Variants in CENPP observed in about 807,000 individuals in gnomAD.
CENPP encodes centromere protein P.
A neutral mutation model predicts 35.6 loss-of-function variants in CENPP; 24 were observed. The observed-to-expected ratio is 0.67, with a 90% CI of 0.49 to 0.95. The LOEUF is 0.95. CENPP is among the 40% of genes least tolerant of loss of function. CENPP has a pLI of 0.00. For missense variants in CENPP, 332 were observed against 345.3 expected, an observed-to-expected ratio of 0.96 and a Z score of 0.31; for synonymous variants, 120 against 125.5, an observed-to-expected ratio of 0.96 and a Z score of 0.29.
At chr9:92,398,608 A>G (rs1842987101) in intron 5 of CENPP, among the ~76,000 whole-genome samples, 1 of 151,906 alleles carries the variant, frequency 6.6e-6, no homozygotes, top group Non-Finnish European at 1.5e-5. Context: ...GATCTTCCTC[A>G]TTCATTTTTA....
rs1564000002 is a variant in CENPP, at chr9:92,551,950, TA to T, written c.565-59363del. Among the ~76,000 whole-genome samples, 858 of 121,482 alleles carry T rather than the reference TA, an allele frequency of 7.1e-3. 54 individuals carry two copies. The highest frequency in any genetic ancestry group is 0.03 in the African/African-American group (799 of 26,686). The allele number at this position is 121,482 out of a possible 152,430, so 79.7% of individuals were successfully genotyped here. Reference sequence around the variant, plus strand: ...GTATATATATATATATATATATATATATGATATATATATGTGTGATATATAT... The same window carrying T: ...GTATATATATATATATATATATATATTGATATATATATGTGTGATATATAT... On this transcript the variant is annotated intron_variant, in intron 5 of 7. Coordinates refer to ENST00000375587, the MANE Select transcript of CENPP (RefSeq NM_001012267.3).
intron 5 of CENPP, among the ~76,000 whole-genome samples, chr9:92,592,043 T>G (rs56170796): frequency 0.011 from 1,710 of 151,196 alleles, 19 homozygotes; most frequent in South Asian, 0.019. Context: ...CCCTAAAACT[T>G]AAAGTATAAA....
intron 5 of CENPP, among the ~76,000 whole-genome samples, chr9:92,499,407 T>C (rs73520594): frequency 6.6e-6 from 1 of 152,262 alleles, no homozygotes; most frequent in African/African-American, 2.4e-5. Flanking sequence ...ATGAGAAGCA[T>C]GGCAAAAATA....
chr9:92,359,505 G>T (rs893907017), intron 4 of CENPP, among the ~76,000 whole-genome samples: 1 of 152,026 alleles, frequency 6.6e-6, no homozygotes, highest in Non-Finnish European at 1.5e-5. Context: ...CTTTCCATGG[G>T]TATGTGCAAT....
intron 5 of CENPP, chr9:92,517,688 A>T (rs139951554): frequency 6.2e-7 from 1 of 1,614,176 alleles, no homozygotes; most frequent in South Asian, 1.1e-5. Context: ...TCTCTGTACC[A>T]GTAGCGGAGC....
chr9:92,327,025 G>A (rs1016298317), intron 1 of CENPP, among the ~76,000 whole-genome samples: 2 of 152,184 alleles, frequency 1.3e-5, no homozygotes, highest in African/African-American at 4.8e-5. Flanking sequence ...CTCCACAAAT[G>A]AGAGTAAATG....
intron 5 of CENPP, chr9:92,414,839 T>C: frequency 8.0e-6 from 2 of 250,118 alleles, no homozygotes; most frequent in East Asian, 1.2e-4. Context: ...AAAATTACTG[T>C]TAATAGAAAT....
chr9:92,343,800 A>T (rs1283103806), intron 3 of CENPP, among the ~76,000 whole-genome samples: 1 of 151,982 alleles, frequency 6.6e-6, no homozygotes, highest in African/African-American at 2.4e-5. Context: ...ATATTTTTTT[A>T]AATAAAAAAG....
At chr9:92,337,501 G>T in intron 2 of CENPP, 40 bp from the exon 3 acceptor site, 1 of 1,106,534 alleles carries the variant, frequency 9.0e-7, no homozygotes, top group South Asian at 1.3e-5. Context: ...TGAAGAAAAT[G>T]GCTATTTGCA....
intron 5 of CENPP, among the ~76,000 whole-genome samples, chr9:92,480,860 T>C (rs1845888368): frequency 6.8e-6 from 1 of 147,532 alleles, no homozygotes; most frequent in South Asian, 2.1e-4. Context: ...CAAGGCATAG[T>C]CTTGTAAGCT....
At chr9:92,510,668 G>C (rs1054972435) in intron 5 of CENPP, among the ~76,000 whole-genome samples, 1 of 152,206 alleles carries the variant, frequency 6.6e-6, no homozygotes, top group Non-Finnish European at 1.5e-5. Flanking sequence ...ACCTGTGGTT[G>C]GGTAGGTTTT....
intron 5 of CENPP, among the ~76,000 whole-genome samples, chr9:92,520,432 C>T (rs1847996433): frequency 6.6e-6 from 1 of 152,100 alleles, no homozygotes; most frequent in South Asian, 2.1e-4. Context: ...CCACTTCATA[C>T]AAGAACAGCT....
chr9:92,465,310 G>A (rs1234439804), intron 5 of CENPP, among the ~76,000 whole-genome samples: 1 of 152,070 alleles, frequency 6.6e-6, no homozygotes, highest in Non-Finnish European at 1.5e-5. Flanking sequence ...CTCCAACCAT[G>A]AGCACAATTA....
At chr9:92,531,440 T>C (rs1848744127) in intron 5 of CENPP, among the ~76,000 whole-genome samples, 1 of 152,224 alleles carries the variant, frequency 6.6e-6, no homozygotes, top group Non-Finnish European at 1.5e-5. Flanking sequence ...ATTATATATG[T>C]ATTTTTAAAC....
At chr9:92,363,250 C>T (rs10992317) in intron 4 of CENPP, among the ~76,000 whole-genome samples, 8,733 of 151,554 alleles carry the variant, frequency 0.058, 885 homozygotes, top group East Asian at 0.43. Context: ...CACACACACA[C>T]ACACAAACCT....
At chr9:92,484,662 T>G (rs1846014163) in intron 5 of CENPP, among the ~76,000 whole-genome samples, 1 of 152,244 alleles carries the variant, frequency 6.6e-6, no homozygotes, top group Non-Finnish European at 1.5e-5. Flanking sequence ...CTGTGATTTC[T>G]GGTTTTGCAT....
chr9:92,547,307 C>G (rs1187423339), intron 5 of CENPP, among the ~76,000 whole-genome samples: 2 of 152,086 alleles, frequency 1.3e-5, no homozygotes, highest in African/African-American at 4.8e-5. Flanking sequence ...AGCTGTATCC[C>G]CAAGAGAACT....
Position 92,506,165 on chromosome 9 carries a change from G to C in CENPP, c.565-105149G>C, listed in dbSNP as rs1846997823. On this transcript the variant is annotated intron_variant, in intron 5 of 7. Coordinates refer to ENST00000375587, the MANE Select transcript of CENPP (RefSeq NM_001012267.3). Reference sequence around the variant, plus strand: ...GGGGTGGGTAGAAGTTTAATGCAATGAATGATTTCTTTTTCTAGGACACAG... The same window carrying C: ...GGGGTGGGTAGAAGTTTAATGCAATCAATGATTTCTTTTTCTAGGACACAG... Among the ~76,000 whole-genome samples the C allele has an allele frequency of 2.0e-5, 3 of 152,200 alleles. No individual in the cohort carries two copies. The South Asian group carries it at 6.2e-4, about 31-fold the overall frequency.
chr9:92,538,081 C>T (rs933594636), intron 5 of CENPP, among the ~76,000 whole-genome samples: 2 of 152,142 alleles, frequency 1.3e-5, no homozygotes, highest in African/African-American at 2.4e-5. Context: ...ACCATTTCAC[C>T]TCTAGGAACC....
Sources: gnomAD v4.1 joint callset for allele counts (sites outside exome capture counted in the v4.1 genomes callset) on GRCh38, gnomAD v4.1.1 for gene constraint, MANE v1.5 for transcripts, NCBI Gene and HGNC (gene_info 2026-07-23, HGNC 2026-07-21) for gene names.